The following SHISA9 variants were observed in gnomAD, a reference collection of about 807,000 sequenced individuals.
The protein encoded by SHISA9 is shisa family member 9.
SHISA9 carries 13 observed loss-of-function variants against 38.0 expected under a neutral mutation model. The observed-to-expected ratio is 0.34, with a 90% CI of 0.22 to 0.54. SHISA9 has a LOEUF of 0.54. SHISA9 is among the 20% of genes least tolerant of loss of function. SHISA9 has a pLI of 0.91. For synonymous variants in SHISA9, 275 were observed against 242.0 expected, an observed-to-expected ratio of 1.14 and a Z score of -1.27; for missense variants, 538 against 575.8, an observed-to-expected ratio of 0.93 and a Z score of 0.67.
chr16:12,993,393 A>C (rs1402918929), intron 2 of SHISA9, among the ~76,000 whole-genome samples: 1 of 152,168 alleles, frequency 6.6e-6, no homozygotes, highest in Non-Finnish European at 1.5e-5. Context: ...TATCTGGTCT[A>C]TCTGGTCTCG....
At chr16:13,213,079 C>T (rs570737829) in intron 3 of SHISA9, among the ~76,000 whole-genome samples, 174 bp from the exon 4 acceptor site, 1 of 152,294 alleles carries the variant, frequency 6.6e-6, no homozygotes, top group Non-Finnish European at 1.5e-5. Flanking sequence ...AAGAGGTACA[C>T]ACATAGCTGC....
chr16:13,284,407 C>G, the SHISA9 span, among the ~76,000 whole-genome samples: 2 of 152,086 alleles, frequency 1.3e-5, no homozygotes, highest in South Asian at 4.1e-4. Context: ...CTTTTAGTAT[C>G]TTGAATTCAG....
chr16:13,282,867 A>G, the SHISA9 span, among the ~76,000 whole-genome samples: 2 of 152,028 alleles, frequency 1.3e-5, no homozygotes, highest in African/African-American at 2.4e-5. Flanking sequence ...AACTGCTGAG[A>G]TTTCCTGTCT....
chr16:12,906,219 C>T (rs1390446297), intron 1 of SHISA9, among the ~76,000 whole-genome samples: 1 of 152,204 alleles, frequency 6.6e-6, no homozygotes, highest in Non-Finnish European at 1.5e-5. Flanking sequence ...TCTGGAGCTG[C>T]AAGGGACCCT....
intron 1 of SHISA9, among the ~76,000 whole-genome samples, chr16:12,905,217 C>T (rs943991148): frequency 2.0e-5 from 3 of 152,198 alleles, no homozygotes; most frequent in Non-Finnish European, 4.4e-5. Flanking sequence ...TATTCACATA[C>T]ATGCAAGAAA....
chr16:12,955,774 T>G (rs1196354808), intron 2 of SHISA9, among the ~76,000 whole-genome samples: 1 of 152,180 alleles, frequency 6.6e-6, no homozygotes, highest in Non-Finnish European at 1.5e-5. Flanking sequence ...AATTAAGGGC[T>G]TAAATCTAAG....
intron 2 of SHISA9, among the ~76,000 whole-genome samples, chr16:13,105,929 ACACTTTACTCTTGGATCT>A (rs1201314894): frequency 6.6e-6 from 1 of 152,170 alleles, no homozygotes; most frequent in Non-Finnish European, 1.5e-5. Flanking sequence ...TATCATAGAC[ACACTTTACTCTTGGATCT>A]CACCAAGGGT....
chr16:13,132,766 C>A (rs545211570), intron 2 of SHISA9, among the ~76,000 whole-genome samples: 1 of 152,262 alleles, frequency 6.6e-6, no homozygotes, highest in East Asian at 1.9e-4. Context: ...CTGAGTGAGA[C>A]CCTCTCACTG....
At chr16:13,188,260 CTT>C (rs2142038283) in intron 2 of SHISA9, among the ~76,000 whole-genome samples, 1 of 152,320 alleles carries the variant, frequency 6.6e-6, no homozygotes, top group Non-Finnish European at 1.5e-5. Flanking sequence ...CAATGTCTGA[CTT>C]TTAGGTAAAG....
intron 1 of SHISA9, chr16:12,910,502 G>A (rs1225483833): frequency 2.4e-5 from 24 of 985,274 alleles, no homozygotes; most frequent in Non-Finnish European, 2.7e-5. Flanking sequence ...ACTTTTATAA[G>A]TACTGGTTCT....
chr16:13,396,813 G>A, the SHISA9 span, among the ~76,000 whole-genome samples: 1 of 152,008 alleles, frequency 6.6e-6, no homozygotes, highest in Non-Finnish European at 1.5e-5. Context: ...AAGGGTGTCT[G>A]GGGGCACCCT....
the SHISA9 span, among the ~76,000 whole-genome samples, chr16:13,321,739 A>T: frequency 2.0e-5 from 3 of 152,246 alleles, no homozygotes; most frequent in Non-Finnish European, 4.4e-5. Flanking sequence ...TGCAATATAT[A>T]GATGGGATTT....
chr16:13,227,459 G>T (rs1366145722), intron 4 of SHISA9, among the ~76,000 whole-genome samples: 2 of 152,190 alleles, frequency 1.3e-5, no homozygotes, highest in Non-Finnish European at 2.9e-5. Flanking sequence ...GGCATAAGTG[G>T]CTAAGGAGTG....
chr16:13,472,683 T>C, the SHISA9 span, among the ~76,000 whole-genome samples: 2 of 152,214 alleles, frequency 1.3e-5, no homozygotes, highest in African/African-American at 4.8e-5. Flanking sequence ...TGAGCCACAA[T>C]GCCCGGCCTC....
At chr16:13,271,917 A>G in the SHISA9 span, among the ~76,000 whole-genome samples, 1 of 152,080 alleles carries the variant, frequency 6.6e-6, no homozygotes, top group East Asian at 1.9e-4. Flanking sequence ...CCCCTCTACT[A>G]AAAATACAAA....
At chr16:13,446,777 G>C in the SHISA9 span, among the ~76,000 whole-genome samples, 1 of 151,962 alleles carries the variant, frequency 6.6e-6, no homozygotes, top group African/African-American at 2.4e-5. Context: ...AGGAGTTTGA[G>C]ACCAGCCTGG....
At chr16:13,491,818 CTTTTTTTTTTTTT>C in the SHISA9 span, among the ~76,000 whole-genome samples, 6 of 44,552 alleles carry the variant, frequency 1.3e-4, no homozygotes, top group African/African-American at 4.1e-4. Context: ...ATTTATTGAC[CTTTTTTTTTTTTT>C]TTTTTTTTTT....
the SHISA9 span, among the ~76,000 whole-genome samples, chr16:13,292,495 C>G: frequency 2.0e-5 from 3 of 152,068 alleles, no homozygotes; most frequent in Non-Finnish European, 4.4e-5. Flanking sequence ...ATTTTCTAAG[C>G]ATTTTTGTTT....
chr16:13,157,307 A>G (rs1025741701), intron 2 of SHISA9, among the ~76,000 whole-genome samples: 1 of 152,204 alleles, frequency 6.6e-6, no homozygotes, highest in African/African-American at 2.4e-5. Flanking sequence ...TCGCACTAAT[A>G]TATGTGAAGC....
Sources: allele counts gnomAD v4.1 joint callset (sites outside exome capture counted in the v4.1 genomes callset), GRCh38; gene constraint gnomAD v4.1.1; transcripts MANE v1.5; gene names NCBI Gene and HGNC (gene_info 2026-07-23, HGNC 2026-07-21).